The following CLSTN2 variants were observed in gnomAD, a reference collection of about 807,000 sequenced individuals.
CLSTN2 encodes the protein calsyntenin 2.
In CLSTN2, 48 loss-of-function variants were observed where a neutral mutation model predicts 101.2. That is an observed-to-expected ratio of 0.47 (90% CI 0.38 to 0.60). CLSTN2 has a LOEUF of 0.60. Ranked by LOEUF, CLSTN2 falls within the 20% of genes least tolerant of loss-of-function variation. CLSTN2 has a pLI of 0.00. For missense variants in CLSTN2, 1,160 were observed against 1,238.2 expected (o/e 0.94, Z 0.95); for synonymous variants, 481 against 463.6 (o/e 1.04, Z -0.48).
At chr3:140,318,543 T>C (rs2107921999) in intron 2 of CLSTN2, among the ~76,000 whole-genome samples, 1 of 152,322 alleles carries the variant, frequency 6.6e-6, no homozygotes, top group East Asian at 1.9e-4. Flanking sequence ...CCCTCAGGTC[T>C]CAGGCTGTAA....
intron 2 of CLSTN2, among the ~76,000 whole-genome samples, chr3:140,362,708 A>T (rs1012331027): frequency 3.9e-5 from 6 of 152,226 alleles, no homozygotes; most frequent in Non-Finnish European, 8.8e-5. Context: ...TAAGCACATG[A>T]AATGGTACTC....
rs1318067308 is a variant in CLSTN2, at chr3:140,201,538, CAA to C, written c.232+25467_232+25468del. ...TGATTGGAATAGAGGCATGGGGAATCAAAGTGTCATACCTTAGCCACTGAGAG... is the reference window on the plus strand; with the variant it reads ...TGATTGGAATAGAGGCATGGGGAATCAGTGTCATACCTTAGCCACTGAGAG... On this transcript the variant is annotated intron_variant, in intron 2 of 16. Transcript: ENST00000458420. Among the ~76,000 whole-genome samples the C allele has an allele frequency of 2.0e-5, 3 of 152,262 alleles. No homozygotes were observed. In the East Asian group the frequency reaches 5.8e-4, roughly 29 times the overall value.
rs552119941 is a variant in CLSTN2, at chr3:140,485,382, C to A, written c.1344+18651C>A. Among the ~76,000 whole-genome samples, 15 of 152,340 alleles carry A rather than the reference C, an allele frequency of 9.8e-5. No individual in the cohort carries two copies. The South Asian group carries it at 3.1e-3, about 32-fold the overall frequency. On this transcript the variant is annotated intron_variant, in intron 8 of 16. Transcript: ENST00000458420. ...TCGGCCCCTACTAGGGGGTGCCTCCCAGATAGGCTACTTGGGGCTCAGGGA... is the reference window on the plus strand; with the variant it reads ...TCGGCCCCTACTAGGGGGTGCCTCCAAGATAGGCTACTTGGGGCTCAGGGA...
intron 9 of CLSTN2, among the ~76,000 whole-genome samples, chr3:140,543,422 A>C (rs1488861666): frequency 6.6e-6 from 1 of 152,248 alleles, no homozygotes; most frequent in Admixed American, 6.5e-5. Flanking sequence ...AAATCTGTTT[A>C]GAACTTTTTG....
chr3:140,313,395 G>T (rs957906918), intron 2 of CLSTN2, among the ~76,000 whole-genome samples: 1 of 152,126 alleles, frequency 6.6e-6, no homozygotes, highest in African/African-American at 2.4e-5. Context: ...GCTAAAAGGG[G>T]AGGAATTTTT....
At chr3:140,494,741 G>A (rs1046350346) in intron 8 of CLSTN2, among the ~76,000 whole-genome samples, 1 of 152,118 alleles carries the variant, frequency 6.6e-6, no homozygotes, top group Non-Finnish European at 1.5e-5. Flanking sequence ...ATGTGAGTTT[G>A]CTAAGGATAA....
At chr3:140,274,558 C>G (rs2086776592) in intron 2 of CLSTN2, among the ~76,000 whole-genome samples, 1 of 152,162 alleles carries the variant, frequency 6.6e-6, no homozygotes, top group Non-Finnish European at 1.5e-5. Context: ...GTCCGGGGCA[C>G]TGGGAGAATT....
At chr3:140,133,891 T>A (rs2009560707) in intron 1 of CLSTN2, among the ~76,000 whole-genome samples, 1 of 152,164 alleles carries the variant, frequency 6.6e-6, no homozygotes, top group Admixed American at 6.5e-5. Context: ...TACTGCAGAA[T>A]CAGGCCTCTG....
intron 8 of CLSTN2, among the ~76,000 whole-genome samples, chr3:140,519,445 T>C (rs1435994095): frequency 3.3e-5 from 5 of 152,342 alleles, no homozygotes; most frequent in Non-Finnish European, 7.4e-5. Flanking sequence ...TTAAAATCTC[T>C]CGCTATTATT....
At chr3:140,557,357 T>G (rs1396518366) in intron 11 of CLSTN2, among the ~76,000 whole-genome samples, 1 of 152,152 alleles carries the variant, frequency 6.6e-6, no homozygotes, top group African/African-American at 2.4e-5. Flanking sequence ...TGTTGGAGCC[T>G]GGGACAGGCA....
At chr3:140,149,821 T>C (rs1022966897) in intron 1 of CLSTN2, among the ~76,000 whole-genome samples, 6 of 152,216 alleles carry the variant, frequency 3.9e-5, no homozygotes, top group African/African-American at 1.4e-4. Context: ...ATGCTAAAAA[T>C]AGTTTATCTG....
chr3:140,193,553 G>A (rs1302333889), intron 2 of CLSTN2, among the ~76,000 whole-genome samples: 1 of 151,554 alleles, frequency 6.6e-6, no homozygotes, highest in African/African-American at 2.4e-5. Flanking sequence ...TATAGGTAAG[G>A]TACCATTCTG....
At chr3:140,374,541 T>G (rs969440934) in intron 2 of CLSTN2, among the ~76,000 whole-genome samples, 5 of 152,170 alleles carry the variant, frequency 3.3e-5, no homozygotes, top group Admixed American at 1.3e-4. Context: ...ATTTCCTGTA[T>G]AATTTTAACA....
intron 8 of CLSTN2, among the ~76,000 whole-genome samples, chr3:140,520,864 A>C (rs1412177969): frequency 2.0e-5 from 3 of 151,998 alleles, no homozygotes; most frequent in Non-Finnish European, 4.4e-5. Flanking sequence ...ATTCCTTTTC[A>C]TTCTATTCTT....
intron 8 of CLSTN2, among the ~76,000 whole-genome samples, chr3:140,502,127 G>A (rs1934588935): frequency 2.0e-5 from 3 of 152,220 alleles, no homozygotes; most frequent in Non-Finnish European, 1.5e-5. Flanking sequence ...GCTTATGGTG[G>A]TGGTGGGTGA....
intron 8 of CLSTN2, among the ~76,000 whole-genome samples, chr3:140,519,832 G>A (rs1934992324): frequency 6.6e-6 from 1 of 152,144 alleles, no homozygotes; most frequent in South Asian, 2.1e-4. Flanking sequence ...TGTTGTGTAT[G>A]AATTTTATCC....
intron 6 of CLSTN2, among the ~76,000 whole-genome samples, chr3:140,457,005 A>C (rs983526805): frequency 9.2e-5 from 14 of 152,008 alleles, no homozygotes; most frequent in African/African-American, 3.1e-4. Context: ...TTCACAATCA[A>C]TTTCTTCACT....
chr3:140,261,725 C>T (rs929781943), intron 2 of CLSTN2, among the ~76,000 whole-genome samples: 15 of 152,086 alleles, frequency 9.9e-5, no homozygotes, highest in African/African-American at 3.1e-4. Flanking sequence ...TTACTATCTG[C>T]GTCTATAAGC....
chr3:140,158,694 A>G (rs1029699032), intron 1 of CLSTN2, among the ~76,000 whole-genome samples: 2 of 152,208 alleles, frequency 1.3e-5, no homozygotes, highest in African/African-American at 2.4e-5. Context: ...TCTAAAATTT[A>G]TATGGAACCA....
Sources: allele counts gnomAD v4.1 joint callset (sites outside exome capture counted in the v4.1 genomes callset), GRCh38; gene constraint gnomAD v4.1.1; transcripts MANE v1.5; gene names NCBI Gene and HGNC (gene_info 2026-07-23, HGNC 2026-07-21).